The following APP variants were observed in gnomAD, a reference collection of about 807,000 sequenced individuals.
APP encodes the protein amyloid beta precursor protein, also known as amyloid-beta precursor protein.
APP carries 31 observed loss-of-function variants against 101.4 expected under a neutral mutation model. The ratio of observed to expected loss-of-function variants is 0.31; its 90% CI spans 0.23 to 0.41. APP has a LOEUF of 0.41. APP is among the 10% of genes least tolerant of loss of function. The probability of loss-of-function intolerance (pLI) is 1.00; values close to 1 mark genes in which losing one functional copy is unlikely to be tolerated. For missense variants in APP, 839 were observed against 1,003.7 expected, an observed-to-expected ratio of 0.84 and a Z score of 2.22; for synonymous variants, 366 against 364.4, an observed-to-expected ratio of 1.00 and a Z score of -0.05.
rs544070097 is a variant in APP, at chr21:26,108,869, A to G, written c.225+3110T>C. Among the ~76,000 whole-genome samples, 12 of 152,286 alleles carry G rather than the reference A, an allele frequency of 7.9e-5. No individual in the cohort carries two copies. In the East Asian group the frequency reaches 1.5e-3, roughly 20 times the overall value. Reference sequence around the variant, plus strand: ...ACTGCACTGCAGCCTGGGCCACAAGAGCAAGACTCTGTCTCAAAAACAAAA... The same window carrying G: ...ACTGCACTGCAGCCTGGGCCACAAGGGCAAGACTCTGTCTCAAAAACAAAA... On this transcript the variant is annotated intron_variant, in intron 2 of 17. Coordinates refer to ENST00000346798, the MANE Select transcript of APP (RefSeq NM_000484.4).
chr21:26,054,423 T>C (rs2045955395), intron 3 of APP, among the ~76,000 whole-genome samples: 1 of 152,056 alleles, frequency 6.6e-6, no homozygotes, highest in Admixed American at 6.6e-5. Flanking sequence ...CCCTTCAAAA[T>C]GAGGGAGCCT....
chr21:25,918,224 C>A (rs1017227759), intron 13 of APP, among the ~76,000 whole-genome samples: 2 of 152,228 alleles, frequency 1.3e-5, no homozygotes, highest in Non-Finnish European at 2.9e-5. Context: ...AAGACACATG[C>A]ACACATATGT....
intron 8 of APP, among the ~76,000 whole-genome samples, chr21:25,995,511 C>T (rs1432965291): frequency 1.3e-5 from 2 of 152,108 alleles, no homozygotes; most frequent in Non-Finnish European, 2.9e-5. Flanking sequence ...TGGGACAAGT[C>T]ACTAAGCTCT....
intron 8 of APP, among the ~76,000 whole-genome samples, chr21:25,983,300 T>G (rs1000986013): frequency 1.3e-5 from 2 of 152,190 alleles, no homozygotes; most frequent in Non-Finnish European, 2.9e-5. Flanking sequence ...AAAAAGAATT[T>G]TGACTTAAGA....
chr21:26,169,322 C>A (rs1394610822), intron 1 of APP: 1 of 152,318 alleles, frequency 6.6e-6, no homozygotes, highest in Non-Finnish European at 1.5e-5. Flanking sequence ...CAATTCGATC[C>A]TTTTATCTGC....
At chr21:26,062,506 T>C (rs1446971932) in intron 3 of APP, among the ~76,000 whole-genome samples, 37 of 150,950 alleles carry the variant, frequency 2.5e-4, no homozygotes, top group Non-Finnish European at 4.4e-5. Context: ...CTACTAAAAA[T>C]ACAAAATTAG....
intron 5 of APP, among the ~76,000 whole-genome samples, chr21:26,048,434 A>C (rs2045702408): frequency 6.6e-6 from 1 of 152,156 alleles, no homozygotes; most frequent in African/African-American, 2.4e-5. Flanking sequence ...AAGGCAAAAA[A>C]ATTTCATAAT....
chr21:25,993,064 GGT>G (rs35145588), intron 8 of APP, among the ~76,000 whole-genome samples: 3,456 of 152,248 alleles, frequency 0.023, 139 homozygotes, highest in African/African-American at 0.079. Flanking sequence ...AAGGCTGCGT[GGT>G]GTGAGTTTTC....
In APP at chr21:26,105,998, C is replaced by T. The variant is rs188007738; in HGVS notation, c.225+5981G>A. Among the ~76,000 whole-genome samples, 88 of 152,336 alleles carry T rather than the reference C, an allele frequency of 5.8e-4. No individual in the cohort carries two copies. In the East Asian group the frequency reaches 0.014, roughly 25 times the overall value. On this transcript the variant is annotated intron_variant, in intron 2 of 17. Coordinates refer to ENST00000346798, the MANE Select transcript of APP (RefSeq NM_000484.4). ...AGATGGGCTAGTCCTGATACTGAGTCCCTGCAGATACGGTGGTGGCTCCAA... is the reference window on the plus strand; with the variant it reads ...AGATGGGCTAGTCCTGATACTGAGTTCCTGCAGATACGGTGGTGGCTCCAA...
At chr21:26,136,169 A>AAAGAAAAGAAAGAAAGAAAG (rs1555882167) in intron 1 of APP, among the ~76,000 whole-genome samples, 3 of 92,014 alleles carry the variant, frequency 3.3e-5, no homozygotes, top group African/African-American at 1.6e-4. Context: ...GAAAAGAAAG[A>AAAGAAAAGAAAGAAAGAAAG]AAAGAAAGAA....
At chr21:26,075,981 C>T (rs568504659) in intron 3 of APP, among the ~76,000 whole-genome samples, 2 of 152,166 alleles carry the variant, frequency 1.3e-5, no homozygotes, top group Non-Finnish European at 2.9e-5. Flanking sequence ...GCAATCTCCG[C>T]TTCCCGGTTT....
chr21:26,006,278 C>T (rs567618530), intron 6 of APP, among the ~76,000 whole-genome samples: 2 of 152,314 alleles, frequency 1.3e-5, no homozygotes, highest in African/African-American at 4.8e-5. Context: ...TTCAAGATCA[C>T]AAATAGCTTT....
chr21:26,062,369 A>G (rs902167119), intron 3 of APP, among the ~76,000 whole-genome samples: 1 of 151,844 alleles, frequency 6.6e-6, no homozygotes, highest in African/African-American at 2.4e-5. Context: ...CGGGAACAAA[A>G]TAAGTATTTA....
At chr21:25,975,499 A>G (rs2042191754) in intron 10 of APP, among the ~76,000 whole-genome samples, 1 of 152,130 alleles carries the variant, frequency 6.6e-6, no homozygotes, top group South Asian at 2.1e-4. Context: ...AACTTTGGAT[A>G]AATATATGCA....
At chr21:26,083,623 T>C (rs926659576) in intron 3 of APP, among the ~76,000 whole-genome samples, 14 of 152,368 alleles carry the variant, frequency 9.2e-5, no homozygotes, top group African/African-American at 2.9e-4. Context: ...TAGCATGTAC[T>C]ACAAATCAGA....
At chr21:26,050,456 T>G (rs1448406547) in intron 5 of APP, among the ~76,000 whole-genome samples, 2 of 151,816 alleles carry the variant, frequency 1.3e-5, no homozygotes, top group Non-Finnish European at 2.9e-5. Context: ...GAGGCGAAAA[T>G]AGGTTTCTTT....
intron 5 of APP, among the ~76,000 whole-genome samples, chr21:26,046,720 A>G (rs775209388): frequency 5.3e-5 from 8 of 152,200 alleles, no homozygotes; most frequent in Non-Finnish European, 1.0e-4. Flanking sequence ...CTCTACAACA[A>G]TTAGAGGGTC....
chr21:25,903,385 A>T (rs1298433990), intron 15 of APP, among the ~76,000 whole-genome samples: 3 of 145,126 alleles, frequency 2.1e-5, no homozygotes, highest in African/African-American at 5.4e-5. Flanking sequence ...AAAAAAAAAA[A>T]ATCAAAAAAC....
intron 3 of APP, among the ~76,000 whole-genome samples, chr21:26,058,216 A>G (rs2046119306): frequency 6.6e-6 from 1 of 152,238 alleles, no homozygotes; most frequent in Admixed American, 6.5e-5. Flanking sequence ...GAAACAAGAC[A>G]AAGGTGAAAG....
Sources: gnomAD v4.1 joint callset for allele counts (sites outside exome capture counted in the v4.1 genomes callset) on GRCh38, gnomAD v4.1.1 for gene constraint, MANE v1.5 for transcripts, NCBI Gene and HGNC (gene_info 2026-07-23, HGNC 2026-07-21) for gene names.